Variants in SSBP2 observed in about 807,000 individuals in gnomAD.
The protein encoded by SSBP2 is single stranded DNA binding protein 2.
A neutral mutation model predicts 61.8 loss-of-function variants in SSBP2; 17 were observed. The ratio of observed to expected loss-of-function variants is 0.28; its 90% CI spans 0.19 to 0.41. The LOEUF (loss-of-function observed/expected upper bound fraction) is 0.41. Among genes scored for constraint, SSBP2 ranks in the 10% least tolerant of loss-of-function variants. The pLI is 1.00. For synonymous variants in SSBP2, 139 were observed against 141.3 expected, an observed-to-expected ratio of 0.98 and a Z score of 0.12; for missense variants, 310 against 458.7, an observed-to-expected ratio of 0.68 and a Z score of 2.96.
Position 81,598,793 on chromosome 5 carries a change from T to G in SSBP2, c.282+16680A>C, listed in dbSNP as rs185913344. Among the ~76,000 whole-genome samples, 9 of 152,302 alleles carry G rather than the reference T, an allele frequency of 5.9e-5. No individual in the cohort carries two copies. In the East Asian group the frequency reaches 1.7e-3, roughly 29 times the overall value. The stretch of plus-strand genomic sequence containing the variant: ...TCTTATCTCACAGCATTCTCCCTCA[T>G]ACCTTTTGTTCTAGCCATGTCAAGC... On this transcript the variant is annotated intron_variant, in intron 4 of 16. Coordinates refer to ENST00000320672, the MANE Select transcript of SSBP2 (RefSeq NM_012446.5).
At chr5:81,654,025 T>C (rs1431108552) in intron 1 of SSBP2, among the ~76,000 whole-genome samples, 1 of 151,674 alleles carries the variant, frequency 6.6e-6, no homozygotes, top group Non-Finnish European at 1.5e-5. Flanking sequence ...AGGGTCTTGC[T>C]CTATCATCTG....
chr5:81,558,013 C>T (rs1772737709), intron 4 of SSBP2, among the ~76,000 whole-genome samples: 1 of 152,116 alleles, frequency 6.6e-6, no homozygotes, highest in South Asian at 2.1e-4. Context: ...TTGATTCTTG[C>T]TTTTAAGATT....
At chr5:81,509,293 A>G (rs1409509741) in intron 5 of SSBP2, among the ~76,000 whole-genome samples, 1 of 152,192 alleles carries the variant, frequency 6.6e-6, no homozygotes, top group Non-Finnish European at 1.5e-5. Flanking sequence ...CTTGGGTATT[A>G]GAGTTTATGA....
chr5:81,584,490 T>C (rs764980620), intron 4 of SSBP2, among the ~76,000 whole-genome samples: 5 of 152,156 alleles, frequency 3.3e-5, no homozygotes, highest in African/African-American at 4.8e-5. Flanking sequence ...TTCAAAAATG[T>C]TGCAAGAGAA....
At chr5:81,633,110 T>A (rs1284196949) in intron 3 of SSBP2, among the ~76,000 whole-genome samples, 1 of 38,334 alleles carries the variant, frequency 2.6e-5, no homozygotes, top group South Asian at 8.8e-4. Context: ...GCCTCTGTCT[T>A]TTTTTTTTTT....
chr5:81,641,052 A>G (rs1172169358), intron 2 of SSBP2, among the ~76,000 whole-genome samples: 2 of 152,224 alleles, frequency 1.3e-5, no homozygotes, highest in African/African-American at 4.8e-5. Flanking sequence ...AGTTAAAAGA[A>G]CAATGTGACA....
intron 3 of SSBP2, among the ~76,000 whole-genome samples, chr5:81,635,484 G>A (rs1268193166): frequency 6.6e-6 from 1 of 152,076 alleles, no homozygotes; most frequent in African/African-American, 2.4e-5. Flanking sequence ...GAGGAAAAGT[G>A]AGGGTTTGAA....
intron 1 of SSBP2, among the ~76,000 whole-genome samples, chr5:81,657,655 T>C (rs1420634761): frequency 2.0e-5 from 3 of 152,184 alleles, no homozygotes; most frequent in Non-Finnish European, 4.4e-5. Flanking sequence ...CAACTCTTAT[T>C]ACAGTACTGT....
At chr5:81,563,347 A>AT (rs1420312379) in intron 4 of SSBP2, among the ~76,000 whole-genome samples, 1 of 152,194 alleles carries the variant, frequency 6.6e-6, no homozygotes, top group African/African-American at 2.4e-5. Context: ...ACTCTGGAGC[A>AT]TACATAAATC....
intron 2 of SSBP2, among the ~76,000 whole-genome samples, chr5:81,647,385 T>C (rs1749362485): frequency 6.6e-6 from 1 of 152,112 alleles, no homozygotes; most frequent in East Asian, 1.9e-4. Context: ...ATGGCATACT[T>C]TGGCTTTCTT....
At chr5:81,459,104 ATG>A (rs1349156136) in intron 10 of SSBP2, among the ~76,000 whole-genome samples, 1 of 152,186 alleles carries the variant, frequency 6.6e-6, no homozygotes, top group East Asian at 1.9e-4. Flanking sequence ...CAGCAGTTTG[ATG>A]TGTACAGCTT....
chr5:81,667,500 A>T (rs1304024783), intron 1 of SSBP2, among the ~76,000 whole-genome samples: 2 of 152,162 alleles, frequency 1.3e-5, no homozygotes, highest in African/African-American at 4.8e-5. Context: ...TTAGTCCTAA[A>T]GTAAAGCTAC....
chr5:81,470,665 T>C (rs1765190982), intron 8 of SSBP2, among the ~76,000 whole-genome samples: 1 of 151,962 alleles, frequency 6.6e-6, no homozygotes, highest in Non-Finnish European at 1.5e-5. Context: ...GGAAGTAACA[T>C]CTATGTTAAA....
chr5:81,444,769 T>C (rs920545540), intron 12 of SSBP2, among the ~76,000 whole-genome samples: 4 of 152,054 alleles, frequency 2.6e-5, no homozygotes, highest in Non-Finnish European at 5.9e-5. Context: ...AATTTATCAT[T>C]TTAAAGACTA....
At chr5:81,704,496 G>A (rs1299263795) in intron 1 of SSBP2, among the ~76,000 whole-genome samples, 1 of 151,978 alleles carries the variant, frequency 6.6e-6, no homozygotes. Flanking sequence ...CAATTGTTTA[G>A]GGATTTAAAA....
intron 1 of SSBP2, among the ~76,000 whole-genome samples, chr5:81,736,083 T>G (rs1756587331): frequency 6.6e-6 from 1 of 151,626 alleles, no homozygotes; most frequent in Non-Finnish European, 1.5e-5. Context: ...CTTTCAAGAA[T>G]TAGTCATTGC....
intron 6 of SSBP2, among the ~76,000 whole-genome samples, chr5:81,480,172 T>C (rs547183433): frequency 6.6e-6 from 1 of 152,198 alleles, no homozygotes; most frequent in East Asian, 1.9e-4. Flanking sequence ...ATGGGGGAAC[T>C]GCCTGCTTCA....
chr5:81,578,296 C>A (rs1203430445), intron 4 of SSBP2, among the ~76,000 whole-genome samples: 1 of 151,974 alleles, frequency 6.6e-6, no homozygotes, highest in Non-Finnish European at 1.5e-5. Flanking sequence ...ACACTGACAG[C>A]ACTTCTATAA....
At chr5:81,646,511 A>G (rs1264684440) in intron 2 of SSBP2, among the ~76,000 whole-genome samples, 1 of 152,024 alleles carries the variant, frequency 6.6e-6, no homozygotes, top group East Asian at 1.9e-4. Context: ...AAGTCATTCT[A>G]CAATAAGCGG....
Sources: gnomAD v4.1 joint callset for allele counts (sites outside exome capture counted in the v4.1 genomes callset) on GRCh38, gnomAD v4.1.1 for gene constraint, MANE v1.5 for transcripts, NCBI Gene and HGNC (gene_info 2026-07-23, HGNC 2026-07-21) for gene names.